The following GLIS1 variants were observed in gnomAD, a reference collection of about 807,000 sequenced individuals.
GLIS1 encodes the protein GLIS family zinc finger 1.
Under a neutral mutation model 63.8 loss-of-function variants are expected in GLIS1, and 24 were observed. The ratio of observed to expected loss-of-function variants is 0.38; its 90% CI spans 0.27 to 0.53. The LOEUF (loss-of-function observed/expected upper bound fraction) is 0.53. GLIS1 is among the 20% of genes least tolerant of loss of function. The pLI, the probability that GLIS1 is intolerant of heterozygous loss-of-function variation, is 0.85. For synonymous variants in GLIS1, 450 were observed against 482.5 expected, an observed-to-expected ratio of 0.93 and a Z score of 0.88; for missense variants, 1,036 against 1,074.1, an observed-to-expected ratio of 0.96 and a Z score of 0.50.
intron 2 of GLIS1, among the ~76,000 whole-genome samples, chr1:53,623,142 A>G (rs904574494): frequency 6.6e-6 from 1 of 152,260 alleles, no homozygotes; most frequent in African/African-American, 2.4e-5. Context: ...ATTAATGGTT[A>G]ATGTGTATCG....
intron 2 of GLIS1, among the ~76,000 whole-genome samples, chr1:53,709,525 A>G (rs979694375): frequency 2.0e-5 from 3 of 151,796 alleles, no homozygotes; most frequent in Non-Finnish European, 4.4e-5. Flanking sequence ...CTGGTTACAT[A>G]GATGGGTGGG....
intron 2 of GLIS1, among the ~76,000 whole-genome samples, chr1:53,705,985 C>T (rs1056222267): frequency 2.6e-5 from 4 of 152,180 alleles, no homozygotes; most frequent in African/African-American, 9.7e-5. Flanking sequence ...TCGGGAAAGG[C>T]TCTGGAATCA....
chr1:53,622,418 A>G (rs1645553641), intron 2 of GLIS1, among the ~76,000 whole-genome samples: 1 of 131,466 alleles, frequency 7.6e-6, no homozygotes, highest in Admixed American at 7.7e-5. Context: ...ACAGAGCTAG[A>G]CTATGTCTCA....
chr1:53,568,717 C>G (rs1404621323), intron 4 of GLIS1, among the ~76,000 whole-genome samples: 1 of 152,156 alleles, frequency 6.6e-6, no homozygotes, highest in East Asian at 1.9e-4. Flanking sequence ...TGGCACCTCC[C>G]CCTTCTCTGT....
chr1:53,601,453 G>A (rs534731817), intron 2 of GLIS1, among the ~76,000 whole-genome samples: 2 of 152,240 alleles, frequency 1.3e-5, no homozygotes, highest in South Asian at 2.1e-4. Context: ...CCATTAAGAC[G>A]TGAAAAAAAC....
In GLIS1 at chr1:53,665,238, T is replaced by C. The variant is rs144750993; in HGVS notation, c.260-64960A>G. 1.7e-4 allele frequency among the ~76,000 whole-genome samples: 26 copies of C among 151,962 alleles called. No individual in the cohort carries two copies. The East Asian group carries it at 2.3e-3, about 14-fold the overall frequency. On this transcript the variant is annotated intron_variant, in intron 2 of 10. Transcript: ENST00000628545. ...AAGATTTGGGGCTGCTTTAGATGCA[T>C]AGGGGAGAGAAGAGACAAGGGGACT... is the stretch of plus-strand genomic sequence containing the variant.
In GLIS1 at chr1:53,509,155, C is replaced by G; in HGVS notation, c.2195G>C (p.Gly732Ala). ...THGFNPLRPN[G>A]YHSLSTPLPA... ...CAAGGGCGTGCTGAGGCTGTGGTAG[C>G]CATTGGGCCGCAGGGGGTTGAAACC... Residue 732 changes from glycine to alanine, a missense_variant, in exon 10 of 11, where the codon GGC (glycine) becomes GCC (alanine). Physicochemically the swap from Gly to Ala is moderately conservative, Grantham distance 60. Coordinates refer to ENST00000628545, the MANE Select transcript of GLIS1 (RefSeq NM_001367484.1). The G allele has an allele frequency of 6.3e-7, 1 of 1,596,774 alleles. No homozygotes were observed.
chr1:53,538,042 G>T (rs2100357360), intron 4 of GLIS1, among the ~76,000 whole-genome samples: 1 of 152,362 alleles, frequency 6.6e-6, no homozygotes, highest in South Asian at 2.1e-4. Flanking sequence ...GGCACTGAGG[G>T]CCGCTCCTCG....
At chr1:53,696,980 C>T (rs1646471623) in intron 2 of GLIS1, among the ~76,000 whole-genome samples, 1 of 152,196 alleles carries the variant, frequency 6.6e-6, no homozygotes, top group Admixed American at 6.5e-5. Flanking sequence ...TCTCGAGATG[C>T]CCCTTCATTG....
In GLIS1 at chr1:53,705,021, C is replaced by A. The variant is rs181655954; in HGVS notation, c.259+32785G>T. ...TGAAGAGGGAGCGCATGAATTCACA[C>A]CTGCCCCCAACACGTACCTAACAGC... On this transcript the variant is annotated intron_variant, in intron 2 of 10. Coordinates refer to ENST00000628545, the MANE Select transcript of GLIS1 (RefSeq NM_001367484.1). Among the ~76,000 whole-genome samples the A allele has an allele frequency of 1.8e-3, 274 of 152,326 alleles. 1 individual carries two copies. The highest frequency in any genetic ancestry group is 2.2e-3 in the Non-Finnish European group (152 of 68,034).
At chr1:53,693,307 G>A (rs1299121774) in intron 2 of GLIS1, among the ~76,000 whole-genome samples, 1 of 152,204 alleles carries the variant, frequency 6.6e-6, no homozygotes, top group African/African-American at 2.4e-5. Flanking sequence ...CTCCCTGGGG[G>A]CATTCAGTCT....
At chr1:53,602,981 A>C (rs1645333627) in intron 2 of GLIS1, among the ~76,000 whole-genome samples, 1 of 152,234 alleles carries the variant, frequency 6.6e-6, no homozygotes, top group African/African-American at 2.4e-5. Flanking sequence ...ATGAGGATAC[A>C]AAGGCTCAGA....
At chr1:53,733,242 G>A (rs1342603898) in intron 2 of GLIS1, among the ~76,000 whole-genome samples, 30 of 152,156 alleles carry the variant, frequency 2.0e-4, no homozygotes, top group East Asian at 1.9e-4. Context: ...AGCTTCTCAC[G>A]CAAATGAAAC....
In GLIS1 at chr1:53,737,901, G is replaced by A. The variant is rs1646927997; in HGVS notation, c.164C>T (p.Ala55Val). 1.6e-6 allele frequency: 2 copies of A among 1,230,380 alleles called. No homozygotes were observed. Among genetic ancestry groups the A allele is most frequent in the Non-Finnish European group, 1.0e-6 (1 of 987,106 alleles). The allele number at this position is 1,230,380 out of a possible 1,614,324, so 76.2% of individuals were successfully genotyped here. A position where few individuals can be genotyped will look rare whatever the true frequency, so the allele number is the denominator to read the frequency against. The change falls in exon 2 of 11, where the codon GCC becomes GTC. Residue 55 changes from alanine (A) to valine (V), a missense_variant. Ala to Val is a moderately conservative substitution (Grantham distance 64). This residue lies in a region of GLIS1 where 592 missense variants were observed against 593.9 expected (regional missense o/e 1.00). Coordinates refer to ENST00000628545, the MANE Select transcript of GLIS1 (RefSeq NM_001367484.1). Reference protein sequence around the residue: ...CGDRGPRDLLARPPAPPPRAH... With the variant: ...CGDRGPRDLLVRPPAPPPRAH... ...GCGCGGTGGCGGCGCAGGCGGCCGG[G>A]CTAGCAGGTCCCGCGGGCCCCTGTC...
At chr1:53,589,431 A>G (rs974288409) in intron 4 of GLIS1, among the ~76,000 whole-genome samples, 1 of 152,190 alleles carries the variant, frequency 6.6e-6, no homozygotes, top group African/African-American at 2.4e-5. Flanking sequence ...GTTTGGGGCA[A>G]GGCAAAAGGG....
At position 53,560,205 on chromosome 1, in the gene GLIS1, T is replaced by C. The variant is rs1406599824; in HGVS notation, c.1321-30253A>G. 6.6e-6 allele frequency among the ~76,000 whole-genome samples: 1 copy of C among 152,206 alleles called. No homozygotes were observed. Among genetic ancestry groups the C allele is most frequent in the East Asian group, 1.9e-4 (1 of 5,192 alleles). On this transcript the variant is annotated intron_variant, in intron 4 of 10. Coordinates refer to ENST00000628545, the MANE Select transcript of GLIS1 (RefSeq NM_001367484.1). This position sits in a 1 kb window ranked among gnomAD's most constrained non-coding sequence, Gnocchi z 4.4. ...TCCAATACGAAGCTGGAGTGGCCTGTAGAGCTCACCAGCGAAGACAGACAA... is the reference window on the plus strand; with the variant it reads ...TCCAATACGAAGCTGGAGTGGCCTGCAGAGCTCACCAGCGAAGACAGACAA...
At position 53,594,777 on chromosome 1, in the gene GLIS1, G is replaced by T; in HGVS notation, c.651C>A (p.Gly217=). 6.2e-7 allele frequency: 1 copy of T among 1,602,650 alleles called. No homozygotes were observed. The highest frequency in any genetic ancestry group is 8.5e-7 in the Non-Finnish European group (1 of 1,174,858). Residue 217 remains glycine, a synonymous_variant, in exon 4 of 11, where the codon GGC becomes GGA. Coordinates refer to ENST00000628545, the MANE Select transcript of GLIS1 (RefSeq NM_001367484.1). ...GGCCCAGGCCAGAGCTGGGTTCGCT[G>T]CCCAGAAGGTAGCAGGAAGGCGCAG... is the stretch of plus-strand genomic sequence containing the variant. The part of the protein sequence containing the change: ...ATPAPSCYLL[G]SEPSSGLGLQ...
At chr1:53,555,920 C>CA (rs201630685) in intron 4 of GLIS1, among the ~76,000 whole-genome samples, 4 of 75,474 alleles carry the variant, frequency 5.3e-5, no homozygotes, top group East Asian at 8.5e-4. Flanking sequence ...TGTGTGTGTG[C>CA]GGTGTATTGC....
chr1:53,602,199 T>C (rs965496267), intron 2 of GLIS1, among the ~76,000 whole-genome samples: 1 of 152,130 alleles, frequency 6.6e-6, no homozygotes, highest in African/African-American at 2.4e-5. Context: ...GTTTTTTAAT[T>C]AAAATGAAAT....
Sources: allele counts gnomAD v4.1 joint callset (sites outside exome capture counted in the v4.1 genomes callset), GRCh38; gene constraint gnomAD v4.1.1; regional missense constraint gnomAD v4.1.1; non-coding constraint Gnocchi (gnomAD v3.1); transcripts MANE v1.5; gene names NCBI Gene and HGNC (gene_info 2026-07-23, HGNC 2026-07-21).